Variants in CDK14 observed in about 807,000 individuals in gnomAD.
CDK14 encodes the protein cyclin dependent kinase 14.
Under a neutral mutation model 60.7 loss-of-function variants are expected in CDK14, and 34 were observed. That is an observed-to-expected ratio of 0.56 (90% CI 0.43 to 0.75). The LOEUF is 0.75. Among genes scored for constraint, CDK14 ranks in the 30% least tolerant of loss-of-function variants. The pLI is 0.00. For missense variants in CDK14, 482 were observed against 564.1 expected (o/e 0.85, Z 1.47); for synonymous variants, 197 against 203.7 (o/e 0.97, Z 0.28).
At chr7:91,138,790 A>T (rs1800359538) in intron 14 of CDK14, among the ~76,000 whole-genome samples, 1 of 151,266 alleles carries the variant, frequency 6.6e-6, no homozygotes, top group Non-Finnish European at 1.5e-5. Flanking sequence ...AAAATGGGAG[A>T]TTGTAAGGAT....
At chr7:91,007,540 T>C (rs901440570) in intron 10 of CDK14, among the ~76,000 whole-genome samples, 5 of 152,172 alleles carry the variant, frequency 3.3e-5, no homozygotes, top group Non-Finnish European at 5.9e-5. Flanking sequence ...ATTTATAAAA[T>C]GTATAACAAT....
At chr7:90,931,290 T>C (rs1793583617) in intron 8 of CDK14, among the ~76,000 whole-genome samples, 2 of 152,222 alleles carry the variant, frequency 1.3e-5, no homozygotes, top group South Asian at 2.1e-4. Flanking sequence ...ATAGCACTTT[T>C]ACCCACCAGT....
chr7:90,719,422 G>A (rs958862475), intron 2 of CDK14, among the ~76,000 whole-genome samples: 1 of 152,168 alleles, frequency 6.6e-6, no homozygotes, highest in Non-Finnish European at 1.5e-5. Context: ...TGAAATGAAT[G>A]CCAACCTTAA....
intron 14 of CDK14, among the ~76,000 whole-genome samples, chr7:91,162,810 G>A (rs754199927): frequency 2.6e-5 from 4 of 152,116 alleles, no homozygotes; most frequent in Non-Finnish European, 4.4e-5. Flanking sequence ...CATGGTAAGC[G>A]ATCCATAAAC....
intron 10 of CDK14, among the ~76,000 whole-genome samples, chr7:91,009,918 G>C (rs77707969): frequency 0.11 from 17,116 of 152,112 alleles, 1,132 homozygotes; most frequent in Middle Eastern, 0.26. Context: ...TAGGTTTTAT[G>C]TTTAGGTCTA....
At chr7:91,139,810 CT>C (rs1554438414) in intron 14 of CDK14, among the ~76,000 whole-genome samples, 2 of 136,032 alleles carry the variant, frequency 1.5e-5, no homozygotes, top group Non-Finnish European at 3.1e-5. Context: ...TTCTTTCTTT[CT>C]TTCTTTTCTT....
chr7:91,045,316 A>G (rs980977541), intron 10 of CDK14, among the ~76,000 whole-genome samples: 6 of 152,254 alleles, frequency 3.9e-5, no homozygotes, highest in Non-Finnish European at 8.8e-5. Context: ...GAAAGAAGGT[A>G]GACATATGGA....
intron 8 of CDK14, among the ~76,000 whole-genome samples, chr7:90,933,446 T>A (rs1414174527): frequency 6.6e-6 from 1 of 152,226 alleles, no homozygotes; most frequent in Non-Finnish European, 1.5e-5. Flanking sequence ...GTAAGCACTT[T>A]GCCTGTAGTA....
At chr7:90,717,909 A>G (rs1285111899) in intron 2 of CDK14, among the ~76,000 whole-genome samples, 1 of 152,112 alleles carries the variant, frequency 6.6e-6, no homozygotes, top group African/African-American at 2.4e-5. Flanking sequence ...CACGTGAGAA[A>G]CAGTGCTCAG....
intron 14 of CDK14, among the ~76,000 whole-genome samples, chr7:91,147,906 C>T (rs966332385): frequency 2.0e-5 from 3 of 152,114 alleles, no homozygotes; most frequent in African/African-American, 7.2e-5. Context: ...AAGTCATCAT[C>T]AGGGAATCAG....
At chr7:91,081,341 G>A (rs1584029504) in intron 12 of CDK14, among the ~76,000 whole-genome samples, 2 of 152,140 alleles carry the variant, frequency 1.3e-5, no homozygotes, top group South Asian at 4.1e-4. Flanking sequence ...GCGAGTGATG[G>A]TTTTCTCTAT....
chr7:90,603,439 A>G (rs1799356233), intron 1 of CDK14, among the ~76,000 whole-genome samples: 1 of 152,198 alleles, frequency 6.6e-6, no homozygotes, highest in Non-Finnish European at 1.5e-5. Context: ...GTACAGTAAC[A>G]TGCTGTATAG....
chr7:91,009,698 T>A (rs913620479), intron 10 of CDK14, among the ~76,000 whole-genome samples: 2 of 152,178 alleles, frequency 1.3e-5, no homozygotes, highest in African/African-American at 2.4e-5. Flanking sequence ...TAATTTCTGA[T>A]CATTGAGTTT....
intron 8 of CDK14, among the ~76,000 whole-genome samples, chr7:90,942,845 C>G (rs528976029): frequency 9.2e-5 from 14 of 152,262 alleles, no homozygotes; most frequent in Middle Eastern, 3.4e-3. Context: ...ATTTATATAA[C>G]AGAATTTGCC....
intron 2 of CDK14, among the ~76,000 whole-genome samples, chr7:90,718,283 G>A (rs1195961616): frequency 2.6e-5 from 4 of 152,052 alleles, no homozygotes; most frequent in Non-Finnish European, 5.9e-5. Flanking sequence ...TAAGAGAAGT[G>A]TATACATGGT....
intron 11 of CDK14, among the ~76,000 whole-genome samples, chr7:91,071,696 G>A (rs1176715926): frequency 1.3e-5 from 2 of 152,222 alleles, no homozygotes; most frequent in Non-Finnish European, 2.9e-5. Context: ...TGCTGTCTAA[G>A]CCCTCTGTGC....
chr7:90,627,198 G>T (rs1392832401), intron 2 of CDK14, among the ~76,000 whole-genome samples: 1 of 151,772 alleles, frequency 6.6e-6, no homozygotes, highest in Non-Finnish European at 1.5e-5. Flanking sequence ...GTGGCTAGTG[G>T]CTACTATTGG....
At chr7:90,760,822 G>A (rs931198185) in intron 4 of CDK14, among the ~76,000 whole-genome samples, 3 of 152,208 alleles carry the variant, frequency 2.0e-5, no homozygotes, top group Non-Finnish European at 2.9e-5. Flanking sequence ...GGGATTTTCC[G>A]ATCTGTGTTC....
At chr7:90,730,955 A>T (rs12704573) in intron 3 of CDK14, among the ~76,000 whole-genome samples, 64,774 of 151,636 alleles carry the variant, frequency 0.43, 14,275 homozygotes, top group Non-Finnish European at 0.48. Flanking sequence ...TGGTATTGCC[A>T]ACGTTTTCTT....
Sources: allele counts gnomAD v4.1 joint callset (sites outside exome capture counted in the v4.1 genomes callset), GRCh38; gene constraint gnomAD v4.1.1; transcripts MANE v1.5; gene names NCBI Gene and HGNC (gene_info 2026-07-23, HGNC 2026-07-21).